CHD4: variants seen among roughly 807,000 people sequenced by gnomAD.
The protein encoded by CHD4 is ATP-dependent chromatin remodeler CHD4.
Under a neutral mutation model 235.5 loss-of-function variants are expected in CHD4, and 35 were observed. The observed-to-expected ratio is 0.15, with a 90% CI of 0.11 to 0.20. CHD4 has a LOEUF of 0.20. Among genes scored for constraint, CHD4 ranks in the 10% least tolerant of loss-of-function variants. The probability of loss-of-function intolerance (pLI) is 1.00; values close to 1 mark genes in which losing one functional copy is unlikely to be tolerated. For missense variants in CHD4, 1,329 were observed against 2,432.3 expected (o/e 0.55, Z 9.54); for synonymous variants, 900 against 850.2 (o/e 1.06, Z -1.02).
At chr12:6,599,390 T>C (rs1026446984) in intron 10 of CHD4, among the ~76,000 whole-genome samples, 1 of 151,688 alleles carries the variant, frequency 6.6e-6, no homozygotes, top group African/African-American at 2.4e-5. Flanking sequence ...CAATGAGCTA[T>C]GACTGCACCA....
At position 6,583,393 on chromosome 12, in the gene CHD4, G is replaced by GGGC; in HGVS notation, c.3880-18_3880-16dup. 6.3e-7 allele frequency: 1 copy of GGGC among 1,595,542 alleles called. No individual in the cohort carries two copies. Among genetic ancestry groups the GGGC allele is most frequent in the Non-Finnish European group, 8.6e-7 (1 of 1,169,420 alleles). ...TCCTCTTCCTCCTGGGACAGAGGGA[G>GGGC]GGCCAGGACTCAGGAGTGCTGAAGT... On this transcript the variant is annotated splice_polypyrimidine_tract_variant and intron_variant, in intron 25 of 39. Coordinates refer to ENST00000544040, the MANE Select transcript of CHD4 (RefSeq NM_001273.5).
intron 2 of CHD4, among the ~76,000 whole-genome samples, chr12:6,603,864 G>A (rs1948641739): frequency 6.6e-6 from 1 of 152,134 alleles, no homozygotes; most frequent in African/African-American, 2.4e-5. Flanking sequence ...TTAGTTTGAG[G>A]AATGGAGGCC....
At chr12:6,578,768 G>A (rs1948117555) in intron 34 of CHD4, 78 bp downstream of exon 34, 4 of 1,453,202 alleles carry the variant, frequency 2.8e-6, no homozygotes, top group South Asian at 2.3e-5. Flanking sequence ...AGTATGGACA[G>A]GGAGGCAGGG....
chr12:6,578,294 G>T, intron 35 of CHD4, 115 bp downstream of exon 35: 1 of 1,407,432 alleles, frequency 7.1e-7, no homozygotes, highest in Non-Finnish European at 9.9e-7. Flanking sequence ...TATCAGTTTG[G>T]CATTCCCTCA....
At chr12:6,590,327 T>C (rs934812066) in intron 22 of CHD4, 2 of 151,940 alleles carry the variant, frequency 1.3e-5, no homozygotes, top group African/African-American at 4.8e-5. Context: ...TCAAGAAAAA[T>C]TGGTGACATT....
chr12:6,587,257 A>AGG (rs1948315182), intron 25 of CHD4, 127 bp downstream of exon 25: 1 of 885,668 alleles, frequency 1.1e-6, no homozygotes, highest in South Asian at 1.7e-5. Context: ...TCAAAGGAAG[A>AGG]GGATCAATTC....
intron 38 of CHD4, among the ~76,000 whole-genome samples, chr12:6,572,419 C>CT (rs1387038247): frequency 3.5e-5 from 5 of 142,898 alleles, no homozygotes; most frequent in South Asian, 2.2e-4. Context: ...GAGCTAGACT[C>CT]TATCTCAGAA....
At chr12:6,589,765 CAAA>C (rs546471983) in intron 22 of CHD4, among the ~76,000 whole-genome samples, 3 of 123,076 alleles carry the variant, frequency 2.4e-5, no homozygotes, top group Non-Finnish European at 3.5e-5. Context: ...GACTTTGTCT[CAAA>C]AAAAAAAAAA....
intron 38 of CHD4, among the ~76,000 whole-genome samples, chr12:6,572,256 T>C (rs184673335): frequency 5.0e-4 from 75 of 148,756 alleles, no homozygotes; most frequent in Non-Finnish European, 9.3e-4. Flanking sequence ...TGAAACTCCA[T>C]CTCTACTAAA....
At chr12:6,598,560 C>G in intron 10 of CHD4, 135 bp from the exon 11 acceptor site, 1 of 743,578 alleles carries the variant, frequency 1.3e-6, no homozygotes, top group East Asian at 2.7e-5. Context: ...CCTGAAATCC[C>G]AGCACCTTGG....
chr12:6,596,106 T>C lies in CHD4; in HGVS notation c.1924A>G (p.Ile642Val). The C allele has an allele frequency of 6.2e-7, 1 of 1,614,026 alleles. No individual in the cohort carries two copies. Among genetic ancestry groups the C allele is most frequent in the African/African-American group, 1.3e-5 (1 of 75,016 alleles). The change falls in exon 13 of 40, where the codon ATC becomes GTC. Residue 642 changes from isoleucine (I) to valine (V), a missense_variant. Ile to Val is a conservative substitution (Grantham distance 29). Around this residue, in one of 26 missense-constraint regions of CHD4, gnomAD observed 121 missense variants for 177.8 expected, o/e 0.68. Transcript: ENST00000544040. The stretch of plus-strand genomic sequence containing the variant: ...TCGTAAGGTAAGTCCCGCCACTTGA[T>C]CAAGTAGTGGACGTGGCCCTTCTTG... Reference protein sequence around the residue: ...VDKKGHVHYLIKWRDLPYDQA... With the variant: ...VDKKGHVHYLVKWRDLPYDQA...
intron 38 of CHD4, among the ~76,000 whole-genome samples, chr12:6,572,620 A>G (rs67013744): frequency 0.24 from 35,857 of 151,730 alleles, 5,985 homozygotes; most frequent in African/African-American, 0.48. Context: ...GCAATGGCAC[A>G]ATCTTGGCTC....
rs200592113 is a variant in CHD4 at position 6,581,633 on chromosome 12, G to C, written c.4681+16C>G. On this transcript the variant is annotated intron_variant, in intron 31 of 39. Coordinates refer to ENST00000544040, the MANE Select transcript of CHD4 (RefSeq NM_001273.5). ...AAAAAGAGAGGGACAGAAAATGATA[G>C]GACAGGCAGACTTACCAGCAGGTGG... is the stretch of plus-strand genomic sequence containing the variant. 2.7e-5 allele frequency: 44 copies of C among 1,613,934 alleles called. 1 individual carries two copies. In the Middle Eastern group the frequency reaches 1.3e-3, roughly 48 times the overall value.
chr12:6,592,139 T>C (rs763808934), intron 19 of CHD4, 82 bp from the exon 20 acceptor site: 3 of 1,539,118 alleles, frequency 1.9e-6, no homozygotes, highest in South Asian at 1.1e-5. Flanking sequence ...CTGAGATCTT[T>C]CTTCCAACAC....
chr12:6,589,563 T>TC (rs1190688286), intron 22 of CHD4, among the ~76,000 whole-genome samples: 1 of 151,140 alleles, frequency 6.6e-6, no homozygotes, highest in Non-Finnish European at 1.5e-5. Flanking sequence ...GGTCAGGAGA[T>TC]CGAGACCATC....
intron 10 of CHD4, 104 bp from the exon 11 acceptor site, chr12:6,598,529 G>A (rs1948537174): frequency 9.9e-7 from 1 of 1,014,970 alleles, no homozygotes. Context: ...TCTCATTTCA[G>A]ACCTGGAGCA....
In CHD4 at chr12:6,601,061, C is replaced by G. The variant is rs368067995; in HGVS notation, c.800-8G>C. On this transcript the variant is annotated splice_polypyrimidine_tract_variant and splice_region_variant and intron_variant, in intron 6 of 39. Transcript: ENST00000544040. ...TCCTCCGAGCATTGGGACCTAAAATCAGGATATATCCAAATATATACCACA... is the reference window on the plus strand; with the variant it reads ...TCCTCCGAGCATTGGGACCTAAAATGAGGATATATCCAAATATATACCACA... The G allele has an allele frequency of 3.9e-5, 61 of 1,558,884 alleles. No individual in the cohort carries two copies. Among genetic ancestry groups the G allele is most frequent in the Middle Eastern group, 3.4e-4 (2 of 5,806 alleles).
At chr12:6,602,522 T>A (rs193052312) in intron 2 of CHD4, 25 bp from the exon 3 acceptor site, 1 of 1,608,594 alleles carries the variant, frequency 6.2e-7, no homozygotes, top group Non-Finnish European at 8.5e-7. Flanking sequence ...CAAAGAGTGG[T>A]AGGCAGGGAA....
chr12:6,601,393 G>C lies in CHD4; in HGVS notation c.695C>G (p.Ala232Gly). The C allele has an allele frequency of 6.2e-7, 1 of 1,614,170 alleles. No homozygotes were observed. Among genetic ancestry groups the C allele is most frequent in the Non-Finnish European group, 8.5e-7 (1 of 1,180,036 alleles). ...CATGCTCTCCACCACAGCTACCGCT[G>C]CTGCTGCCGCAGCTGCCACTGATGC... ...SGASVAAAAA[A>G]AVAVVESMVT... The change falls in exon 6 of 40, where the codon GCA becomes GGA. Residue 232 changes from alanine (A) to glycine (G), a missense_variant. Physicochemically the swap from Ala to Gly is moderately conservative, Grantham distance 60. Transcript: ENST00000544040.
Sources: allele counts gnomAD v4.1 joint callset (sites outside exome capture counted in the v4.1 genomes callset), GRCh38; gene constraint gnomAD v4.1.1; regional missense constraint gnomAD v4.1.1; transcripts MANE v1.5; gene names NCBI Gene and HGNC (gene_info 2026-07-23, HGNC 2026-07-21).